MYO18A: variants seen among roughly 807,000 people sequenced by gnomAD.
MYO18A encodes unconventional myosin-XVIIIa.
In MYO18A, 78 loss-of-function variants were observed where a neutral mutation model predicts 235.8. That is an observed-to-expected ratio of 0.33 (90% CI 0.28 to 0.40). The LOEUF (loss-of-function observed/expected upper bound fraction) is 0.40. MYO18A is among the 10% of genes least tolerant of loss of function. MYO18A has a pLI of 1.00. For synonymous variants in MYO18A, 977 were observed against 1,077.8 expected (o/e 0.91, Z 1.83); for missense variants, 2,215 against 2,699.3 (o/e 0.82, Z 3.98).
chr17:29,090,640 A>G (rs1489847602), intron 35 of MYO18A, 25 bp from the exon 36 acceptor site: 3 of 1,590,558 alleles, frequency 1.9e-6, no homozygotes, highest in Non-Finnish European at 2.6e-6. Context: ...AGAGCATCAG[A>G]AGCAGGATCC....
At position 29,082,231 on chromosome 17, in the gene MYO18A, C is replaced by T. The variant is rs574263275; in HGVS notation, c.6020+85G>A. On this transcript the variant is annotated intron_variant, in intron 41 of 41. Transcript: ENST00000527372. ...CAAATGCCAGACAAGAGACACAGGC[C>T]TGCCCTCATGGGATCCAGGCGCTAC... 2.6e-5 allele frequency: 40 copies of T among 1,567,104 alleles called. No homozygotes were observed. In the Admixed American group the frequency reaches 2.9e-4, roughly 11 times the overall value.
At chr17:29,147,035 G>A (rs1173688827) in intron 2 of MYO18A, among the ~76,000 whole-genome samples, 3 of 152,216 alleles carry the variant, frequency 2.0e-5, no homozygotes, top group Non-Finnish European at 4.4e-5. Context: ...GTGGAATGGG[G>A]AAACGGGGTT....
intron 1 of MYO18A, among the ~76,000 whole-genome samples, chr17:29,179,433 T>C (rs962234753): frequency 3.3e-5 from 5 of 152,030 alleles, no homozygotes; most frequent in Non-Finnish European, 7.4e-5. Context: ...CCCACACTCC[T>C]GGCCGGGTTT....
At position 29,140,120 on chromosome 17, in the gene MYO18A, C is replaced by A. The variant is rs1331951387; in HGVS notation, c.1000-17867G>T. ...GAAGTCATGAGTCAGGCCCAGGATGCCCTGCTCCTAGCCACGGAGGGGTTT... is the reference window on the plus strand; with the variant it reads ...GAAGTCATGAGTCAGGCCCAGGATGACCTGCTCCTAGCCACGGAGGGGTTT... On this transcript the variant is annotated intron_variant, in intron 2 of 41. Transcript: ENST00000527372. This position sits in a 1 kb window ranked among gnomAD's most constrained non-coding sequence, Gnocchi z 4.2. Among the ~76,000 whole-genome samples the A allele has an allele frequency of 2.0e-5, 3 of 152,112 alleles. No individual in the cohort carries two copies. Among genetic ancestry groups the A allele is most frequent in the African/African-American group, 7.2e-5 (3 of 41,412 alleles).
intron 29 of MYO18A, 29 bp from the exon 30 acceptor site, chr17:29,094,879 G>A (rs758103060): frequency 6.2e-7 from 1 of 1,613,982 alleles, no homozygotes; most frequent in Non-Finnish European, 8.5e-7. Context: ...GGCTGGTGCA[G>A]GGCTGACCCC....
chr17:29,130,299 C>CA (rs564370108), intron 2 of MYO18A, among the ~76,000 whole-genome samples: 22,724 of 56,316 alleles, frequency 0.4, 4,989 homozygotes, highest in East Asian at 0.76. Flanking sequence ...AACCCTGTCT[C>CA]AAAAAAAAAA....
Position 29,096,821 on chromosome 17 carries a change from G to A in MYO18A, c.4325C>T (p.Thr1442Ile), listed in dbSNP as rs1287014481. The change falls in exon 28 of 42, where the codon ACC becomes ATC. Residue 1442 changes from threonine to isoleucine, a missense_variant. Thr to Ile is a moderately conservative substitution (Grantham distance 89). Transcript: ENST00000527372. ...CQRLTAELQDTKLHLEGQQVR... is the reference protein window; with the variant it reads ...CQRLTAELQDIKLHLEGQQVR... ...CTGCTGGCCCTCCAGGTGCAGCTTG[G>A]TGTCTTGCAGCTCAGCCGTCAGTCG... 2.5e-6 allele frequency: 4 copies of A among 1,602,376 alleles called. No homozygotes were observed. In the East Asian group the frequency reaches 9.0e-5, roughly 36 times the overall value.
chr17:29,090,519 C>T lies in MYO18A; in HGVS notation c.5388+13G>A, dbSNP rs952608679. On this transcript the variant is annotated intron_variant, in intron 36 of 41. Coordinates refer to ENST00000527372, the MANE Select transcript of MYO18A (RefSeq NM_078471.4). ...GGCACTCTCTCTCTCCTGAGGGAGCCCCTGGTCCTCACCTTCTCCTGCAGC... is the reference window on the plus strand; with the variant it reads ...GGCACTCTCTCTCTCCTGAGGGAGCTCCTGGTCCTCACCTTCTCCTGCAGC... The T allele has an allele frequency of 1.9e-6, 3 of 1,577,078 alleles. No homozygotes were observed. The highest frequency in any genetic ancestry group is 1.8e-5 in the Admixed American group (1 of 54,768).
chr17:29,091,285 A>G, intron 34 of MYO18A: 1 of 320,036 alleles, frequency 3.1e-6, no homozygotes, highest in Non-Finnish European at 6.0e-6. Context: ...TGCCCCCTTC[A>G]GGCCCCAGGG....
chr17:29,103,387 G>A (rs962401112), intron 21 of MYO18A, among the ~76,000 whole-genome samples: 1 of 152,244 alleles, frequency 6.6e-6, no homozygotes, highest in Non-Finnish European at 1.5e-5. Flanking sequence ...GGAAAGCCAG[G>A]TTGCTGCATC....
In MYO18A at chr17:29,094,731, C is replaced by G. The variant is rs371330820; in HGVS notation, c.4629G>C (p.Gln1543His). 18 of 1,613,958 alleles carry G rather than the reference C, an allele frequency of 1.1e-5. No homozygotes were observed. In the East Asian group the frequency reaches 3.1e-4, roughly 28 times the overall value. ...TGACTTTGGCCTCCAGGTCCCGGAG[C>G]TGTTTCTTGACCTTGGCCAGAGAAG... The part of the protein sequence containing the change: ...DEASLAKVKK[Q>H]LRDLEAKVKD... Residue 1543 changes from glutamine to histidine, a missense_variant, in exon 30 of 42, where the codon CAG becomes CAC. Gln to His is a conservative substitution (Grantham distance 24, BLOSUM62 0). Transcript: ENST00000527372.
At chr17:29,127,668 C>T (rs1297766531) in intron 2 of MYO18A, among the ~76,000 whole-genome samples, 1 of 152,260 alleles carries the variant, frequency 6.6e-6, no homozygotes, top group African/African-American at 2.4e-5. Flanking sequence ...CAGGCAACTG[C>T]AGGGTCCGCA....
Position 29,106,976 on chromosome 17 carries a change from GC to G in MYO18A, c.3441+103del. The G allele has an allele frequency of 8.9e-7, 1 of 1,127,836 alleles. No individual in the cohort carries two copies. The highest frequency in any genetic ancestry group is 1.3e-6 in the Non-Finnish European group (1 of 755,152). 69.9% of individuals were successfully genotyped at this position (1,127,836 alleles called of 1,614,324 possible). A position where few individuals can be genotyped will look rare whatever the true frequency, so the allele number is the denominator to read the frequency against. On this transcript the variant is annotated intron_variant, in intron 20 of 41. Transcript: ENST00000527372. The surrounding 1 kb of genome is among the most constrained non-coding windows in gnomAD (Gnocchi z 4.6). ...TTCCAAAACTGGGAGCCTGAGCAGG[GC>G]CAGATGAGCTGTCTCCAGGGAAGGG...
At chr17:29,130,858 C>A (rs1159267729) in intron 2 of MYO18A, among the ~76,000 whole-genome samples, 1 of 152,216 alleles carries the variant, frequency 6.6e-6, no homozygotes, top group Non-Finnish European at 1.5e-5. Context: ...GTAGCTGGAG[C>A]CTGCCTCCAG....
In MYO18A at chr17:29,109,687, G is replaced by A. The variant is rs1435562523; in HGVS notation, c.3331+171C>T. Among the ~76,000 whole-genome samples, 1 of 152,042 alleles carries A rather than the reference G, an allele frequency of 6.6e-6. No homozygotes were observed. Among genetic ancestry groups the A allele is most frequent in the African/African-American group, 2.4e-5 (1 of 41,372 alleles). ...GGGACTCTGCAGGATGGAAGGAAATGGACAAAGGGGCTGTGGGCTGGGAGA... is the reference window on the plus strand; with the variant it reads ...GGGACTCTGCAGGATGGAAGGAAATAGACAAAGGGGCTGTGGGCTGGGAGA... On this transcript the variant is annotated intron_variant, in intron 19 of 41. Coordinates refer to ENST00000527372, the MANE Select transcript of MYO18A (RefSeq NM_078471.4). The surrounding 1 kb of genome is among the most constrained non-coding windows in gnomAD (Gnocchi z 4.1).
Position 29,096,860 on chromosome 17 carries a change from T to C in MYO18A, c.4286A>G (p.Lys1429Arg). Residue 1429 changes from lysine (K) to arginine (R), a missense_variant, in exon 28 of 42, where the codon AAG (lysine) becomes AGG (arginine). Coordinates refer to ENST00000527372, the MANE Select transcript of MYO18A (RefSeq NM_078471.4). ...AGCCGTCAGTCGCTGGCACTTCTTC[T>C]TGAGCTGCTGCAGAGCCCGCTGACT... Reference protein sequence around the residue: ...EESQRALQQLKKKCQRLTAEL... With the variant: ...EESQRALQQLRKKCQRLTAEL... The C allele has an allele frequency of 6.3e-7, 1 of 1,586,646 alleles. No homozygotes were observed. Among genetic ancestry groups the C allele is most frequent in the Non-Finnish European group, 8.6e-7 (1 of 1,166,966 alleles).
In MYO18A at chr17:29,106,834, C is replaced by T. The variant is rs144778343; in HGVS notation, c.3441+246G>A. 9.8e-5 allele frequency among the ~76,000 whole-genome samples: 15 copies of T among 152,322 alleles called. No homozygotes were observed. Among genetic ancestry groups the T allele is most frequent in the African/African-American group, 2.4e-4 (10 of 41,570 alleles). ...ACCCTCAGTGCGCCCAGGCCCTGCT[C>T]GCTCCTGGATGATTGTCTGGCTCAC... On this transcript the variant is annotated intron_variant, in intron 20 of 41. Transcript: ENST00000527372. This position sits in a 1 kb window ranked among gnomAD's most constrained non-coding sequence, Gnocchi z 4.6.
Position 29,111,877 on chromosome 17 carries a change from A to G in MYO18A, c.2599-14T>C, listed in dbSNP as rs2066937471. 1 of 1,603,218 alleles carries G rather than the reference A, an allele frequency of 6.2e-7. No homozygotes were observed. The highest frequency in any genetic ancestry group is 1.3e-5 in the African/African-American group (1 of 74,438). On this transcript the variant is annotated splice_polypyrimidine_tract_variant and intron_variant, in intron 15 of 41. Transcript: ENST00000527372. This position sits in a 1 kb window ranked among gnomAD's most constrained non-coding sequence, Gnocchi z 5.1. ...CAGCGAGCGGACCTACAGAGAAGGA[A>G]GGAAATCCCTCCTTGTCATATGGAG...
chr17:29,103,641 G>A lies in MYO18A; in HGVS notation c.3465C>T (p.Cys1155=), dbSNP rs2066710890. 6.2e-7 allele frequency: 1 copy of A among 1,613,824 alleles called. No homozygotes were observed. The highest frequency in any genetic ancestry group is 8.5e-7 in the Non-Finnish European group (1 of 1,179,878). Residue 1155 remains cysteine (C), a synonymous_variant, in exon 21 of 42, where the codon TGC becomes TGT. Coordinates refer to ENST00000527372, the MANE Select transcript of MYO18A (RefSeq NM_078471.4). The part of the protein sequence containing the change: ...ERRAVEELLE[C]LDLEKSSCCM... ...AGCAGCTGCTCTTCTCCAGATCCAA[G>A]CACTCCAGCAGCTCCTCCACTGCCT...
Sources: gnomAD v4.1 joint callset for allele counts (sites outside exome capture counted in the v4.1 genomes callset) on GRCh38, gnomAD v4.1.1 for gene constraint, Gnocchi (gnomAD v3.1) non-coding constraint, MANE v1.5 for transcripts, NCBI Gene and HGNC (gene_info 2026-07-23, HGNC 2026-07-21) for gene names.